The following NPHP4 variants were observed in gnomAD, a reference collection of about 807,000 sequenced individuals.
NPHP4 encodes nephrocystin 4.
Under a neutral mutation model 155.8 loss-of-function variants are expected in NPHP4, and 151 were observed. The observed-to-expected ratio is 0.97, with a 90% CI of 0.85 to 1.11. The LOEUF is 1.11. Ranked by LOEUF, NPHP4 falls within the 50% of genes least tolerant of loss-of-function variation. NPHP4 has a pLI of 0.00. For missense variants in NPHP4, 1,956 were observed against 1,925.7 expected (o/e 1.02, Z -0.29); for synonymous variants, 845 against 816.8 (o/e 1.03, Z -0.59).
At position 5,927,698 on chromosome 1, in the gene NPHP4, G is replaced by C; in HGVS notation, c.1392C>G (p.Gly464=). 6.2e-7 allele frequency: 1 copy of C among 1,613,342 alleles called. No individual in the cohort carries two copies. The highest frequency in any genetic ancestry group is 1.1e-5 in the South Asian group (1 of 91,070). ...HLDAPTEPVS[G]PKVERRPSRK... ...TGGAAGGCCGCCGCTCCACTTTGGGGCCACTGACAGGCTCCGTGGGTGCAT... is the reference window on the plus strand; with the variant it reads ...TGGAAGGCCGCCGCTCCACTTTGGGCCCACTGACAGGCTCCGTGGGTGCAT... The change falls in exon 11 of 30, where the codon GGC becomes GGG. Residue 464 remains glycine, a synonymous_variant. Coordinates refer to ENST00000378156, the MANE Select transcript of NPHP4 (RefSeq NM_015102.5).
rs886046461 is a variant in NPHP4, at chr1:5,874,624, G to A, written c.3078C>T (p.Phe1026=). 4 of 1,612,224 alleles carry A rather than the reference G, an allele frequency of 2.5e-6. No individual in the cohort carries two copies. The East Asian group carries it at 6.7e-5, about 27-fold the overall frequency. Residue 1026 remains phenylalanine, a synonymous_variant, in exon 22 of 30, where the codon TTC becomes TTT. Transcript: ENST00000378156. The part of the protein sequence containing the change: ...VIVDSQEWRD[F]KGAAGLHTPV... ...GTGTGTGCAGGCCAGCAGCACCCTT[G>A]AAGTCCCTCCACTCCTGACTGTCCA...
At chr1:5,922,589 G>A (rs1044776534) in intron 11 of NPHP4, among the ~76,000 whole-genome samples, 5 of 152,210 alleles carry the variant, frequency 3.3e-5, no homozygotes, top group Admixed American at 3.3e-4. Context: ...GGGAGGCCAA[G>A]GTGGGAGGAC....
intron 16 of NPHP4, among the ~76,000 whole-genome samples, chr1:5,903,293 C>G (rs1644762306): frequency 6.6e-6 from 1 of 152,192 alleles, no homozygotes; most frequent in Non-Finnish European, 1.5e-5. Flanking sequence ...AGAACTGTTT[C>G]TTTTCCTAGT....
At chr1:5,974,699 A>G (rs373354278) in intron 3 of NPHP4, among the ~76,000 whole-genome samples, 1 of 119,994 alleles carries the variant, frequency 8.3e-6, no homozygotes, top group Admixed American at 8.1e-5. Flanking sequence ...AAAAAAAAAA[A>G]AACCACCCAG....
chr1:5,872,389 A>T (rs1321090342), intron 23 of NPHP4, among the ~76,000 whole-genome samples: 3 of 152,252 alleles, frequency 2.0e-5, no homozygotes, highest in Non-Finnish European at 4.4e-5. Flanking sequence ...GCAGAGGAAA[A>T]CCTTCCTCCC....
chr1:5,882,876 G>A lies in NPHP4; in HGVS notation c.2486-2637C>T, dbSNP rs145021471. ...CCCTCCTCTCGCCTGCCAGGAATCC[G>A]TTTTTGGCCCTGACAACTCGTGGTC... On this transcript the variant is annotated intron_variant, in intron 18 of 29. Transcript: ENST00000378156. This position sits in a 1 kb window ranked among gnomAD's most constrained non-coding sequence, Gnocchi z 5.1. 0.011 allele frequency: 1,627 copies of A among 152,346 alleles called. 30 individuals are homozygous for A. Among genetic ancestry groups the A allele is most frequent in the South Asian group, 0.022 (108 of 4,816 alleles). 9.4% of individuals were successfully genotyped at this position (152,346 alleles called of 1,614,324 possible).
At chr1:5,955,261 G>A (rs1648953474) in intron 6 of NPHP4, among the ~76,000 whole-genome samples, 4 of 152,182 alleles carry the variant, frequency 2.6e-5, no homozygotes, top group Admixed American at 6.5e-5. Context: ...GGAGAAAAGG[G>A]AACACCTATA....
At chr1:5,991,341 G>A (rs573130997) in intron 1 of NPHP4, 1 of 152,336 alleles carries the variant, frequency 6.6e-6, no homozygotes, top group Non-Finnish European at 1.5e-5. Context: ...TGTGACCTAC[G>A]GAAACTGCAC....
intron 4 of NPHP4, among the ~76,000 whole-genome samples, chr1:5,968,193 A>G (rs1320534250): frequency 6.6e-6 from 1 of 152,144 alleles, no homozygotes; most frequent in African/African-American, 2.4e-5. Context: ...AGTCCCACAG[A>G]GAATCAGTGC....
intron 11 of NPHP4, among the ~76,000 whole-genome samples, chr1:5,912,179 G>C (rs1289705771): frequency 6.6e-6 from 1 of 152,242 alleles, no homozygotes; most frequent in East Asian, 1.9e-4. Flanking sequence ...TGGGGCAGGG[G>C]AGCAATGGGA....
At chr1:5,986,007 A>T (rs528881357) in intron 2 of NPHP4, 148 bp downstream of exon 2, 2 of 775,452 alleles carry the variant, frequency 2.6e-6, no homozygotes, top group Admixed American at 2.7e-5. Flanking sequence ...ACTGAAAGTG[A>T]AAAACAGAAT....
chr1:5,900,088 C>T (rs2101053878), intron 16 of NPHP4, among the ~76,000 whole-genome samples: 1 of 152,268 alleles, frequency 6.6e-6, no homozygotes. Context: ...TATGGAGCAA[C>T]CAGAATCCTC....
chr1:5,935,854 G>A (rs1570518725), intron 9 of NPHP4, among the ~76,000 whole-genome samples: 1 of 152,240 alleles, frequency 6.6e-6, no homozygotes, highest in Non-Finnish European at 1.5e-5. Flanking sequence ...CAGCCTGGGC[G>A]ACAGAGTGAG....
chr1:5,870,237 G>A (rs1641858161), intron 23 of NPHP4, among the ~76,000 whole-genome samples: 2 of 152,230 alleles, frequency 1.3e-5, no homozygotes, highest in Non-Finnish European at 2.9e-5. Context: ...AAGGAGGACA[G>A]GGGTGAATCA....
chr1:5,879,373 G>A (rs751963620), intron 19 of NPHP4: 4 of 363,964 alleles, frequency 1.1e-5, no homozygotes, highest in African/African-American at 2.1e-5. Flanking sequence ...AAACTTCAGA[G>A]CCTCCCTGCT....
intron 18 of NPHP4, 32 bp from the exon 19 acceptor site, chr1:5,880,271 A>T (rs769425123): frequency 3.0e-5 from 48 of 1,610,576 alleles, no homozygotes; most frequent in Non-Finnish European, 3.7e-5. Context: ...ATAAGACATG[A>T]ACCCCAAATG....
rs1257764070 is a variant in NPHP4 at position 5,947,126 on chromosome 1, C to T, written c.1097G>A (p.Ser366Asn). 3.1e-6 allele frequency: 5 copies of T among 1,613,882 alleles called. No individual in the cohort carries two copies. Among genetic ancestry groups the T allele is most frequent in the South Asian group, 2.2e-5 (2 of 91,088 alleles). Reference protein sequence around the residue: ...VIFQLEYVFSSPAGVDGNAAS... With the variant: ...VIFQLEYVFSNPAGVDGNAAS... ...TACATTGCCGTCCACTCCTGCAGGG[C>T]TGCTGAACACGTACTCCAGCTGGAA... is the stretch of plus-strand genomic sequence containing the variant. The change falls in exon 9 of 30, where the codon AGC becomes AAC. Residue 366 changes from serine to asparagine, a missense_variant. Physicochemically the swap from Ser to Asn is conservative, Grantham distance 46. Coordinates refer to ENST00000378156, the MANE Select transcript of NPHP4 (RefSeq NM_015102.5).
intron 20 of NPHP4, chr1:5,876,085 G>T (rs534055278): frequency 6.6e-6 from 1 of 152,442 alleles, no homozygotes; most frequent in East Asian, 1.9e-4. Flanking sequence ...TGTGCTGGAC[G>T]ATGGGGCCAG....
At chr1:5,887,689 A>G (rs571856844) in intron 17 of NPHP4, among the ~76,000 whole-genome samples, 1 of 152,318 alleles carries the variant, frequency 6.6e-6, no homozygotes, top group South Asian at 2.1e-4. Context: ...TTTTTCACAA[A>G]GTCTTAAGTA....
Sources: allele counts gnomAD v4.1 joint callset (sites outside exome capture counted in the v4.1 genomes callset), GRCh38; gene constraint gnomAD v4.1.1; non-coding constraint Gnocchi (gnomAD v3.1); transcripts MANE v1.5; gene names NCBI Gene and HGNC (gene_info 2026-07-23, HGNC 2026-07-21).